Variants in ZNF385D observed in about 807,000 individuals in gnomAD.
ZNF385D encodes the protein zinc finger protein 659.
A neutral mutation model predicts 35.8 loss-of-function variants in ZNF385D; 15 were observed. The observed-to-expected ratio is 0.42, with a 90% confidence interval of 0.28 to 0.64. The LOEUF (loss-of-function observed/expected upper bound fraction) is 0.64. ZNF385D is among the 30% of genes least tolerant of loss of function. The pLI is 0.23. For synonymous variants in ZNF385D, 212 were observed against 186.8 expected, an observed-to-expected ratio of 1.13 and a Z score of -1.10; for missense variants, 474 against 494.6, an observed-to-expected ratio of 0.96 and a Z score of 0.39.
chr3:22,022,628 C>T (rs1275934000), intron 3 of ZNF385D, among the ~76,000 whole-genome samples: 1 of 152,066 alleles, frequency 6.6e-6, no homozygotes, highest in Non-Finnish European at 1.5e-5. Context: ...CGGATCCTAC[C>T]AGAAATCTAT....
chr3:21,874,908 G>T (rs948757470), intron 3 of ZNF385D, among the ~76,000 whole-genome samples: 6 of 151,948 alleles, frequency 3.9e-5, no homozygotes, highest in Admixed American at 1.3e-4. Context: ...ATTTCTTTTA[G>T]CAAAGCTTTA....
At chr3:22,108,463 T>A (rs1371378777) in intron 3 of ZNF385D, among the ~76,000 whole-genome samples, 1 of 152,104 alleles carries the variant, frequency 6.6e-6, no homozygotes. Context: ...ATGACAGGGA[T>A]TAAAAGATTT....
At chr3:21,723,072 A>G (rs2068608721) in intron 1 of ZNF385D, among the ~76,000 whole-genome samples, 1 of 152,180 alleles carries the variant, frequency 6.6e-6, no homozygotes, top group South Asian at 2.1e-4. Context: ...CCCCAATATT[A>G]TAAAGGGTAA....
intron 2 of ZNF385D, among the ~76,000 whole-genome samples, chr3:21,575,571 C>CT (rs1453176834): frequency 6.6e-6 from 1 of 152,040 alleles, no homozygotes; most frequent in African/African-American, 2.4e-5. Flanking sequence ...CTTGAAAACT[C>CT]TTTTTCCCTG....
chr3:21,737,621 A>G (rs1168540857), intron 1 of ZNF385D, among the ~76,000 whole-genome samples: 1 of 152,206 alleles, frequency 6.6e-6, no homozygotes, highest in African/African-American at 2.4e-5. Context: ...TTCACTATTT[A>G]TACTTTTATA....
At chr3:21,736,059 T>C (rs923705105) in intron 1 of ZNF385D, among the ~76,000 whole-genome samples, 1 of 152,222 alleles carries the variant, frequency 6.6e-6, no homozygotes, top group African/African-American at 2.4e-5. Flanking sequence ...ACTGAATCCT[T>C]TGCATGACAT....
intron 3 of ZNF385D, among the ~76,000 whole-genome samples, chr3:22,127,517 T>G (rs1703509926): frequency 6.6e-6 from 1 of 151,676 alleles, no homozygotes; most frequent in Non-Finnish European, 1.5e-5. Flanking sequence ...TTTTTGTACT[T>G]TTAGTAGAGA....
At chr3:21,979,727 C>T (rs756103000) in intron 3 of ZNF385D, 4 of 152,038 alleles carry the variant, frequency 2.6e-5, no homozygotes, top group African/African-American at 7.3e-5. Context: ...GAGGTCTTTG[C>T]AGAAAGATTG....
At chr3:21,638,629 A>G (rs900658843) in intron 2 of ZNF385D, among the ~76,000 whole-genome samples, 2 of 152,126 alleles carry the variant, frequency 1.3e-5, no homozygotes, top group Non-Finnish European at 1.5e-5. Flanking sequence ...GCCAGCATCT[A>G]TAAAACTTGG....
At chr3:21,905,605 A>G (rs1040856290) in intron 3 of ZNF385D, among the ~76,000 whole-genome samples, 1 of 151,952 alleles carries the variant, frequency 6.6e-6, no homozygotes, top group Non-Finnish European at 1.5e-5. Flanking sequence ...ATATTATATA[A>G]AATTTGGACA....
chr3:22,113,660 A>G (rs1160979160), intron 3 of ZNF385D, among the ~76,000 whole-genome samples: 3 of 152,128 alleles, frequency 2.0e-5, no homozygotes, highest in Non-Finnish European at 2.9e-5. Context: ...GCCAAATACT[A>G]GGAGTGTCTT....
Position 22,008,599 on chromosome 3 carries a change from G to A in ZNF385D, c.325+160218C>T, listed in dbSNP as rs186841686. On this transcript the variant is annotated intron_variant, in intron 3 of 5. Transcript: ENST00000494108. ...TCTCGATCTCCTGACCTCGTGATCC[G>A]CCCACCACGGCCTCCCAAAGTGCTG... Among the ~76,000 whole-genome samples, 1,210 of 152,092 alleles carry A rather than the reference G, an allele frequency of 8.0e-3. 13 individuals are homozygous for A. The highest frequency in any genetic ancestry group is 0.028 in the African/African-American group (1,146 of 41,486).
intron 3 of ZNF385D, among the ~76,000 whole-genome samples, chr3:21,845,428 C>G (rs1383365167): frequency 1.3e-5 from 2 of 151,978 alleles, no homozygotes; most frequent in Non-Finnish European, 2.9e-5. Flanking sequence ...TTCTCCTTCT[C>G]TTTCTTCTCT....
chr3:22,089,373 T>C (rs1319593389), intron 3 of ZNF385D, among the ~76,000 whole-genome samples: 2 of 152,156 alleles, frequency 1.3e-5, no homozygotes, highest in African/African-American at 2.4e-5. Context: ...ATAATGTTGG[T>C]AGATATTAAG....
chr3:22,199,192 A>T (rs2728971), intron 2 of ZNF385D, among the ~76,000 whole-genome samples: 24,548 of 152,012 alleles, frequency 0.16, 2,036 homozygotes, highest in Middle Eastern at 0.24. Flanking sequence ...CTGAAGTTTT[A>T]GTTTCTGTCC....
intron 2 of ZNF385D, among the ~76,000 whole-genome samples, chr3:22,255,316 T>G (rs964810801): frequency 7.9e-5 from 12 of 151,776 alleles, no homozygotes; most frequent in Non-Finnish European, 1.5e-4. Context: ...TTTAACCTAT[T>G]TTTTCCTCCC....
chr3:21,787,944 C>CAAAAAAAAAAAAAAAAAAAA (rs560982379), intron 3 of ZNF385D, among the ~76,000 whole-genome samples: 20 of 75,380 alleles, frequency 2.7e-4, no homozygotes, highest in Admixed American at 6.9e-4. Flanking sequence ...TTCGTCTCAA[C>CAAAAAAAAAAAAAAAAAAAA]AAAAAAAAAA....
At chr3:21,618,344 T>C (rs2064907754) in intron 2 of ZNF385D, among the ~76,000 whole-genome samples, 1 of 152,098 alleles carries the variant, frequency 6.6e-6, no homozygotes, top group African/African-American at 2.4e-5. Flanking sequence ...ATGCCGAGGA[T>C]TTTCTGAAGC....
chr3:22,272,850 T>C (rs1011251097), intron 2 of ZNF385D, among the ~76,000 whole-genome samples: 3 of 152,046 alleles, frequency 2.0e-5, no homozygotes, highest in Non-Finnish European at 4.4e-5. Context: ...TGCTAAAATG[T>C]AGTCTAAGTG....
Sources: gnomAD v4.1 joint callset for allele counts (sites outside exome capture counted in the v4.1 genomes callset) on GRCh38, gnomAD v4.1.1 for gene constraint, MANE v1.5 for transcripts, NCBI Gene and HGNC (gene_info 2026-07-23, HGNC 2026-07-21) for gene names.